Variants in BICRAL observed in about 807,000 individuals in gnomAD.
BICRAL encodes the protein BICRA like chromatin remodeling complex associated protein, also known as BRD4-interacting chromatin-remodeling complex-associated protein-like.
BICRAL carries 8 observed loss-of-function variants against 91.8 expected under a neutral mutation model. That is an observed-to-expected ratio of 0.09 (90% CI 0.05 to 0.16). The LOEUF (loss-of-function observed/expected upper bound fraction) is 0.16, where lower values mean the gene tolerates loss of function less well. Among genes scored for constraint, BICRAL ranks in the 10% least tolerant of loss-of-function variants. The pLI is 1.00. For missense variants in BICRAL, 1,038 were observed against 1,310.9 expected (o/e 0.79, Z 3.21); for synonymous variants, 445 against 491.1 (o/e 0.91, Z 1.24).
At chr6:42,783,056 C>A (rs577066171) in intron 1 of BICRAL, among the ~76,000 whole-genome samples, 1 of 151,790 alleles carries the variant, frequency 6.6e-6, no homozygotes, top group Non-Finnish European at 1.5e-5. Context: ...CCCGCCGCAT[C>A]TGCGGGCGGC....
At chr6:42,794,323 TA>T (rs1450052383) in intron 1 of BICRAL, among the ~76,000 whole-genome samples, 1 of 151,710 alleles carries the variant, frequency 6.6e-6, no homozygotes, top group Non-Finnish European at 1.5e-5. Flanking sequence ...CCATGTTGTT[TA>T]AAAAAAAGGC....
At chr6:42,791,689 C>A (rs975312191) in intron 1 of BICRAL, among the ~76,000 whole-genome samples, 2 of 152,120 alleles carry the variant, frequency 1.3e-5, no homozygotes, top group South Asian at 4.1e-4. Context: ...GTCTCAAACT[C>A]CTGGGCTCAA....
chr6:42,847,358 C>A (rs576356344), intron 6 of BICRAL, among the ~76,000 whole-genome samples: 54 of 152,084 alleles, frequency 3.6e-4, no homozygotes, highest in Non-Finnish European at 7.1e-4. Context: ...CCCTCTATTC[C>A]TAGTTTGCTG....
chr6:42,803,032 C>G (rs995869935), intron 1 of BICRAL, among the ~76,000 whole-genome samples: 1 of 152,138 alleles, frequency 6.6e-6, no homozygotes, highest in Non-Finnish European at 1.5e-5. Context: ...TCTTTAAGGT[C>G]TAGTGTTGGT....
chr6:42,823,777 T>A (rs540803820), intron 5 of BICRAL, among the ~76,000 whole-genome samples: 3 of 151,222 alleles, frequency 2.0e-5, no homozygotes, highest in Admixed American at 1.3e-4. Flanking sequence ...CAAAAAAAAA[T>A]TGCCAGGCAT....
At chr6:42,863,323 C>T (rs1298174064) in intron 12 of BICRAL, among the ~76,000 whole-genome samples, 2 of 152,196 alleles carry the variant, frequency 1.3e-5, no homozygotes, top group African/African-American at 4.8e-5. Flanking sequence ...GCTGGGATTA[C>T]AGGCGTGAGC....
intron 1 of BICRAL, among the ~76,000 whole-genome samples, chr6:42,761,886 C>G (rs894251009): frequency 6.6e-6 from 1 of 151,994 alleles, no homozygotes. Flanking sequence ...TGCACTCTAT[C>G]CTGGGTGACC....
chr6:42,796,599 A>G (rs1006743114), intron 1 of BICRAL, among the ~76,000 whole-genome samples: 1 of 152,192 alleles, frequency 6.6e-6, no homozygotes, highest in Non-Finnish European at 1.5e-5. Flanking sequence ...AATAGATTCT[A>G]GACTATAAAA....
At chr6:42,822,741 A>G in intron 3 of BICRAL, 55 bp from the exon 4 acceptor site, 4 of 950,304 alleles carry the variant, frequency 4.2e-6, no homozygotes, top group Non-Finnish European at 6.7e-6. Context: ...TTAGTTCTAA[A>G]TATAGATAGT....
intron 6 of BICRAL, among the ~76,000 whole-genome samples, chr6:42,836,944 T>C (rs1004353772): frequency 6.9e-6 from 1 of 145,520 alleles, no homozygotes; most frequent in African/African-American, 2.6e-5. Flanking sequence ...TATGTAATAT[T>C]TCTTTTCTTT....
At position 42,864,856 on chromosome 6, in the gene BICRAL, C is replaced by G. The variant is rs749156836; in HGVS notation, c.2650C>G (p.His884Asp). The G allele has an allele frequency of 6.2e-7, 1 of 1,614,142 alleles. No individual in the cohort carries two copies. Among genetic ancestry groups the G allele is most frequent in the Non-Finnish European group, 8.5e-7 (1 of 1,180,020 alleles). Residue 884 changes from histidine (H) to aspartate (D), a missense_variant, in exon 13 of 13, where the codon CAC becomes GAC. Transcript: ENST00000314073. Reference sequence around the variant, plus strand: ...TGACCAGTTTCATCTAGTGCCTAATCACATCGTGGTCTCTGCAGAAGGAAA... The same window carrying G: ...TGACCAGTTTCATCTAGTGCCTAATGACATCGTGGTCTCTGCAGAAGGAAA... ...NHDQFHLVPN[H>D]IVVSAEGNIS...
At chr6:42,812,802 C>G (rs1015496640) in intron 2 of BICRAL, among the ~76,000 whole-genome samples, 10 of 152,194 alleles carry the variant, frequency 6.6e-5, no homozygotes, top group African/African-American at 2.4e-4. Flanking sequence ...GAGGCCAAGG[C>G]AAGAGGATCG....
At position 42,866,047 on chromosome 6, in the gene BICRAL, C is replaced by T. The variant is rs1765703300; in HGVS notation, c.*601C>T. On this transcript the variant is annotated 3_prime_UTR_variant, in exon 13 of 13. Coordinates refer to ENST00000314073, the MANE Select transcript of BICRAL (RefSeq NM_001393499.1). ...GGCTGTGCTGCCAGGGACCCGCAGC[C>T]CTGGTGGAAAAGCCAGTAGCACATA... 1 of 152,330 alleles carries T rather than the reference C, an allele frequency of 6.6e-6. No individual in the cohort carries two copies. The highest frequency in any genetic ancestry group is 6.5e-5 in the Admixed American group (1 of 15,280). The allele number at this position is 152,330 out of a possible 1,614,324, so 9.4% of individuals were successfully genotyped here. A position where few individuals can be genotyped will look rare whatever the true frequency, so the allele number is the denominator to read the frequency against.
rs748749860 is a variant in BICRAL at position 42,786,581 on chromosome 6, G to A, written c.-102+4480G>A. Among the ~76,000 whole-genome samples, 136 of 152,298 alleles carry A rather than the reference G, an allele frequency of 8.9e-4. 4 individuals are homozygous for A. The highest frequency in any genetic ancestry group is 1.9e-4 in the Non-Finnish European group (13 of 68,028). On this transcript the variant is annotated intron_variant, in intron 1 of 12. Coordinates refer to ENST00000314073, the MANE Select transcript of BICRAL (RefSeq NM_001393499.1). ...CTGCACTCATGAAATTTACAGTATA[G>A]TGGGGAAGGACAGAAAATAGTTAAA...
intron 1 of BICRAL, among the ~76,000 whole-genome samples, chr6:42,775,943 TAAC>T (rs1262440253): frequency 5.9e-5 from 9 of 152,354 alleles, no homozygotes; most frequent in South Asian, 4.1e-4. Flanking sequence ...GTACTTTTAA[TAAC>T]AACAACAACC....
At chr6:42,769,864 C>G (rs577918712) in intron 1 of BICRAL, among the ~76,000 whole-genome samples, 1 of 152,298 alleles carries the variant, frequency 6.6e-6, no homozygotes, top group South Asian at 2.1e-4. Context: ...ACATTTATAA[C>G]TGAAACAGAT....
intron 1 of BICRAL, among the ~76,000 whole-genome samples, chr6:42,798,693 C>A (rs1763486103): frequency 6.6e-6 from 1 of 152,138 alleles, no homozygotes; most frequent in African/African-American, 2.4e-5. Flanking sequence ...TAAATAAATA[C>A]ATAAAATCAG....
rs1194958660 is a variant in BICRAL, at chr6:42,852,178, C to T, written c.1926C>T (p.Leu642=). The change falls in exon 7 of 13, where the codon CTC becomes CTT. Residue 642 remains leucine, a synonymous_variant. Transcript: ENST00000314073. ...TGAGGCAAGCACAGATCCCTGGGCT[C>T]TTGAGCACCACACTGCCAGGTCAGG... ...DGLRQAQIPG[L]LSTTLPGQDS... is the part of the protein sequence containing the mutation. 2 of 1,609,810 alleles carry T rather than the reference C, an allele frequency of 1.2e-6. No homozygotes were observed. The highest frequency in any genetic ancestry group is 8.5e-7 in the Non-Finnish European group (1 of 1,176,160).
At position 42,848,592 on chromosome 6, in the gene BICRAL, C is replaced by G. The variant is rs148242485; in HGVS notation, c.1840-3500C>G. Among the ~76,000 whole-genome samples the G allele has an allele frequency of 4.6e-3, 704 of 152,290 alleles. 3 individuals are homozygous for G. Among genetic ancestry groups the G allele is most frequent in the Non-Finnish European group, 7.9e-3 (535 of 68,028 alleles). On this transcript the variant is annotated intron_variant, in intron 6 of 12. Transcript: ENST00000314073. ...GGGAGCAGTGGCTCACGCCTATAAC[C>G]CCGCACTTTAGGTGGCCGAGGCAGG...
Sources: gnomAD v4.1 joint callset for allele counts (sites outside exome capture counted in the v4.1 genomes callset) on GRCh38, gnomAD v4.1.1 for gene constraint, MANE v1.5 for transcripts, NCBI Gene and HGNC (gene_info 2026-07-23, HGNC 2026-07-21) for gene names.